Variants in DOCK6 observed in about 807,000 individuals in gnomAD.
DOCK6 encodes the protein dedicator of cytokinesis 6, also known as dedicator of cytokinesis protein 6.
A neutral mutation model predicts 230.3 loss-of-function variants in DOCK6; 167 were observed. The ratio of observed to expected loss-of-function variants is 0.73; its 90% CI spans 0.64 to 0.82. The LOEUF is 0.82. DOCK6 is among the 40% of genes least tolerant of loss of function. DOCK6 has a pLI of 0.00. For synonymous variants in DOCK6, 1,148 were observed against 1,185.0 expected, an observed-to-expected ratio of 0.97 and a Z score of 0.64; for missense variants, 2,598 against 2,825.8, an observed-to-expected ratio of 0.92 and a Z score of 1.83.
At chr19:11,251,807 G>A in intron 5 of DOCK6, 1 of 332,366 alleles carries the variant, frequency 3.0e-6, no homozygotes, top group Non-Finnish European at 5.6e-6. Flanking sequence ...TAGGTGCTCA[G>A]TAAATGTTGA....
chr19:11,228,878 T>G, intron 23 of DOCK6, 62 bp downstream of exon 23: 1 of 1,558,448 alleles, frequency 6.4e-7, no homozygotes, highest in South Asian at 1.1e-5. Flanking sequence ...CTTCTCTCTT[T>G]AAAAAAGGAA....
intron 14 of DOCK6, chr19:11,239,774 G>A (rs2079911405): frequency 6.2e-7 from 1 of 1,610,920 alleles, no homozygotes; most frequent in African/African-American, 1.3e-5. Flanking sequence ...CTGCAGCTGG[G>A]CCAGGCCCTC....
At position 11,262,448 on chromosome 19, in the gene DOCK6, G is replaced by A; in HGVS notation, c.-8C>T. On this transcript the variant is annotated 5_prime_UTR_variant, in exon 1 of 48. Transcript: ENST00000294618. ...GCGCTCGGAGGCAGCCATGGTCCTC[G>A]CGTCCCGCCGCCGCCGCCCCGGGCC... 1 of 1,194,374 alleles carries A rather than the reference G, an allele frequency of 8.4e-7. No individual in the cohort carries two copies. The highest frequency in any genetic ancestry group is 1.0e-6 in the Non-Finnish European group (1 of 965,434). The allele number at this position is 1,194,374 out of a possible 1,614,324, so 74.0% of individuals were successfully genotyped here. A position where few individuals can be genotyped will look rare whatever the true frequency, so the allele number is the denominator to read the frequency against.
rs1252244512 is a variant in DOCK6, at chr19:11,244,450, G to GT, written c.1024-569_1024-568insA. 2.5e-4 allele frequency among the ~76,000 whole-genome samples: 17 copies of GT among 68,298 alleles called. No homozygotes were observed. The East Asian group carries it at 6.3e-3, about 25-fold the overall frequency. The allele number at this position is 68,298 out of a possible 152,430, so 44.8% of individuals were successfully genotyped here. A position where few individuals can be genotyped will look rare whatever the true frequency, so the allele number is the denominator to read the frequency against. The stretch of plus-strand genomic sequence containing the variant: ...TTACAGGCATGACCCACCACACCTG[G>GT]CTTTTTTTTTTTTTTTTTTTTTTTT... On this transcript the variant is annotated intron_variant, in intron 9 of 47. Transcript: ENST00000294618.
chr19:11,213,445 A>G, intron 34 of DOCK6, 117 bp from the exon 35 acceptor site: 4 of 1,423,962 alleles, frequency 2.8e-6, no homozygotes, highest in Non-Finnish European at 3.8e-6. Flanking sequence ...TCTTTGGCCA[A>G]GTACCACTGG....
In DOCK6 at chr19:11,242,152, G is replaced by A; in HGVS notation, c.1536C>T (p.Ser512=). The A allele has an allele frequency of 1.4e-6, 2 of 1,476,384 alleles. No homozygotes were observed. Among genetic ancestry groups the A allele is most frequent in the Non-Finnish European group, 9.0e-7 (1 of 1,115,448 alleles). The allele number at this position is 1,476,384 out of a possible 1,614,324, so 91.5% of individuals were successfully genotyped here. Residue 512 remains serine (S), a synonymous_variant, in exon 14 of 48, where the codon TCC becomes TCT. Coordinates refer to ENST00000294618, the MANE Select transcript of DOCK6 (RefSeq NM_020812.4). ...AGGGCTTGATATGAAGCAGCTCAGG[G>A]GAGAGGCAGAAGTGGGGATTTTCAG... ...PAPENPHFCL[S]PELLHIKPYP... is the part of the protein sequence containing the mutation.
chr19:11,204,044 C>G, intron 41 of DOCK6, 37 bp downstream of exon 41: 1 of 1,549,232 alleles, frequency 6.5e-7, no homozygotes, highest in South Asian at 1.2e-5. Context: ...TCACGGGGGT[C>G]CCAGAGGCAG....
chr19:11,213,539 A>T (rs2079428946), intron 34 of DOCK6, among the ~76,000 whole-genome samples: 1 of 151,546 alleles, frequency 6.6e-6, no homozygotes, highest in South Asian at 2.1e-4. Flanking sequence ...CCTTCCTTCC[A>T]CTGTAAACTG....
chr19:11,245,940 T>C, intron 7 of DOCK6, 62 bp from the exon 8 acceptor site: 1 of 1,541,274 alleles, frequency 6.5e-7, no homozygotes, highest in Non-Finnish European at 8.8e-7. Flanking sequence ...CACACCCCAC[T>C]CCCTCTTGAG....
rs1021869217 is a variant in DOCK6, at chr19:11,239,545, T to C, written c.1644-1241A>G. Reference sequence around the variant, plus strand: ...CCCTTGTGCAATGCGGGGCACCAGGTCGGCCAGTTAACGATTGACTGGGGA... The same window carrying C: ...CCCTTGTGCAATGCGGGGCACCAGGCCGGCCAGTTAACGATTGACTGGGGA... On this transcript the variant is annotated intron_variant, in intron 14 of 47. Coordinates refer to ENST00000294618, the MANE Select transcript of DOCK6 (RefSeq NM_020812.4). 6.8e-6 allele frequency: 10 copies of C among 1,471,834 alleles called. No individual in the cohort carries two copies. In the African/African-American group the frequency reaches 1.1e-4, roughly 17 times the overall value. The allele number at this position is 1,471,834 out of a possible 1,614,324, so 91.2% of individuals were successfully genotyped here.
chr19:11,230,334 C>T (rs1390873933), intron 22 of DOCK6, among the ~76,000 whole-genome samples: 2 of 151,532 alleles, frequency 1.3e-5, no homozygotes, highest in East Asian at 1.9e-4. Flanking sequence ...AGCGAGACTC[C>T]GTCTCAAAAA....
Position 11,243,865 on chromosome 19 carries a change from C to T in DOCK6, c.1041G>A (p.Gln347=), listed in dbSNP as rs989269687. 3 of 1,611,540 alleles carry T rather than the reference C, an allele frequency of 1.9e-6. No homozygotes were observed. Among genetic ancestry groups the T allele is most frequent in the South Asian group, 2.2e-5 (2 of 90,398 alleles). The part of the protein sequence containing the change: ...FLVIKLEKVL[Q]QGDISECCEP... ...CACAGCACTCACTGATGTCCCCTTGCTGAAGCACCTTCTCCAACTGCGGGG... is the reference window on the plus strand; with the variant it reads ...CACAGCACTCACTGATGTCCCCTTGTTGAAGCACCTTCTCCAACTGCGGGG... Residue 347 remains glutamine, a synonymous_variant, in exon 10 of 48, where the codon CAG becomes CAA. Coordinates refer to ENST00000294618, the MANE Select transcript of DOCK6 (RefSeq NM_020812.4). The surrounding 1 kb of genome is among the most constrained non-coding windows in gnomAD (Gnocchi z 6.3).
chr19:11,228,988 G>T lies in DOCK6; in HGVS notation c.2766C>A (p.Ala922=), dbSNP rs372509134. Residue 922 remains alanine (A), a synonymous_variant, in exon 23 of 48, where the codon GCC becomes GCA. Transcript: ENST00000294618. ...LALQWVVSSS[A]VREAILQHAW... ...CGTGCTGGAGGATGGCCTCGCGTAC[G>T]GCACTGCTGCTGACCACCCACTGCA... The T allele has an allele frequency of 6.2e-7, 1 of 1,613,740 alleles. No individual in the cohort carries two copies. Among genetic ancestry groups the T allele is most frequent in the Non-Finnish European group, 8.5e-7 (1 of 1,179,836 alleles).
At position 11,202,249 on chromosome 19, in the gene DOCK6, G is replaced by T; in HGVS notation, c.5452-124C>A. On this transcript the variant is annotated intron_variant, in intron 43 of 47. Coordinates refer to ENST00000294618, the MANE Select transcript of DOCK6 (RefSeq NM_020812.4). The surrounding 1 kb of genome is among the most constrained non-coding windows in gnomAD (Gnocchi z 5.3). ...AGTCTTCCTATGTCTGGATGTTTGGGAATCCCCTGAGGAATAGGTTTTGGG... is the reference window on the plus strand; with the variant it reads ...AGTCTTCCTATGTCTGGATGTTTGGTAATCCCCTGAGGAATAGGTTTTGGG... 1 of 1,374,738 alleles carries T rather than the reference G, an allele frequency of 7.3e-7. No homozygotes were observed. Among genetic ancestry groups the T allele is most frequent in the Non-Finnish European group, 1.0e-6 (1 of 994,154 alleles). 85.2% of individuals were successfully genotyped at this position (1,374,738 alleles called of 1,614,324 possible).
chr19:11,242,948 A>G, intron 13 of DOCK6, 111 bp downstream of exon 13: 1 of 1,237,752 alleles, frequency 8.1e-7, no homozygotes, highest in Non-Finnish European at 1.2e-6. Context: ...TTTGTCCATC[A>G]TGGTCATCGT....
Position 11,202,788 on chromosome 19 carries a change from A to G in DOCK6, c.5236-79T>C. ...CCTGCCCCAGAGATAGGTGTCTCGAATATCAGGATGGGAGTGTGAGGACCC... is the reference window on the plus strand; with the variant it reads ...CCTGCCCCAGAGATAGGTGTCTCGAGTATCAGGATGGGAGTGTGAGGACCC... On this transcript the variant is annotated intron_variant, in intron 41 of 47. Coordinates refer to ENST00000294618, the MANE Select transcript of DOCK6 (RefSeq NM_020812.4). This position sits in a 1 kb window ranked among gnomAD's most constrained non-coding sequence, Gnocchi z 5.3. 1 of 1,600,734 alleles carries G rather than the reference A, an allele frequency of 6.2e-7. No individual in the cohort carries two copies. The highest frequency in any genetic ancestry group is 8.5e-7 in the Non-Finnish European group (1 of 1,178,664).
intron 28 of DOCK6, chr19:11,221,597 C>G: frequency 1.9e-6 from 1 of 523,320 alleles, no homozygotes; most frequent in Non-Finnish European, 3.4e-6. Context: ...GACAATATCT[C>G]AGTACTACAG....
At position 11,236,417 on chromosome 19, in the gene DOCK6, G is replaced by A; in HGVS notation, c.2321C>T (p.Ala774Val). ...LRLASPEPLV[A>V]FSHHVLDKLV... ...CTTGTCCAGCACGTGGTGGGAGAAG[G>A]CCACAAGGGGTTCGGGGCTGGCCAG... The change falls in exon 20 of 48, where the codon GCC becomes GTC. Residue 774 changes from alanine to valine, a missense_variant. Coordinates refer to ENST00000294618, the MANE Select transcript of DOCK6 (RefSeq NM_020812.4). The surrounding 1 kb of genome is among the most constrained non-coding windows in gnomAD (Gnocchi z 5.2). 2 of 1,589,304 alleles carry A rather than the reference G, an allele frequency of 1.3e-6. No individual in the cohort carries two copies. The highest frequency in any genetic ancestry group is 1.7e-6 in the Non-Finnish European group (2 of 1,168,450).
Position 11,202,752 on chromosome 19 carries a change from C to A in DOCK6, c.5236-43G>T. On this transcript the variant is annotated intron_variant, in intron 41 of 47. Transcript: ENST00000294618. The surrounding 1 kb of genome is among the most constrained non-coding windows in gnomAD (Gnocchi z 5.3). ...GGTGTGGTTGTCCGGGAGGCCCCTG[C>A]TGGAGGTCTCCCTGCCCCAGAGATA... is the stretch of plus-strand genomic sequence containing the variant. 1.2e-6 allele frequency: 2 copies of A among 1,609,586 alleles called. No individual in the cohort carries two copies. The highest frequency in any genetic ancestry group is 1.3e-5 in the African/African-American group (1 of 75,040).
Sources: gnomAD v4.1 joint callset for allele counts (sites outside exome capture counted in the v4.1 genomes callset) on GRCh38, gnomAD v4.1.1 for gene constraint, Gnocchi (gnomAD v3.1) non-coding constraint, MANE v1.5 for transcripts, NCBI Gene and HGNC (gene_info 2026-07-23, HGNC 2026-07-21) for gene names.